The following GAB1 variants were observed in gnomAD, a reference collection of about 807,000 sequenced individuals.
GAB1 encodes GRB2 associated binding protein 1.
GAB1 carries 19 observed loss-of-function variants against 66.5 expected under a neutral mutation model. The observed-to-expected ratio is 0.29, with a 90% CI of 0.20 to 0.42. GAB1 has a LOEUF of 0.42. GAB1 is among the 10% of genes least tolerant of loss of function. The pLI, the probability that GAB1 is intolerant of heterozygous loss-of-function variation, is 1.00. For synonymous variants in GAB1, 294 were observed against 301.4 expected, an observed-to-expected ratio of 0.98 and a Z score of 0.25; for missense variants, 732 against 858.5, an observed-to-expected ratio of 0.85 and a Z score of 1.84.
chr4:143,418,397 A>G (rs74327846), intron 2 of GAB1, among the ~76,000 whole-genome samples: 3,214 of 152,258 alleles, frequency 0.021, 46 homozygotes, highest in South Asian at 0.042. Context: ...TCAGAGTTAA[A>G]ATTACAAATG....
Position 143,416,925 on chromosome 4 carries a change from T to G in GAB1, c.367+1154T>G, listed in dbSNP as rs115627166. 6.3e-3 allele frequency among the ~76,000 whole-genome samples: 953 copies of G among 152,228 alleles called. 16 individuals are homozygous for G. The highest frequency in any genetic ancestry group is 0.022 in the African/African-American group (909 of 41,516). On this transcript the variant is annotated intron_variant, in intron 2 of 9. Coordinates refer to ENST00000262994, the MANE Select transcript of GAB1 (RefSeq NM_002039.4). Reference sequence around the variant, plus strand: ...ATTGCAACCTCAAGCATAAATAGGTTATGAAGTTAGGAAATAGCCAAGGTA... The same window carrying G: ...ATTGCAACCTCAAGCATAAATAGGTGATGAAGTTAGGAAATAGCCAAGGTA...
chr4:143,414,011 C>T (rs1045267124), intron 1 of GAB1, among the ~76,000 whole-genome samples: 1 of 151,450 alleles, frequency 6.6e-6, no homozygotes, highest in Admixed American at 6.6e-5. Context: ...TTAGTAGAGA[C>T]GGGGTTTCAC....
intron 6 of GAB1, among the ~76,000 whole-genome samples, chr4:143,449,076 C>G (rs372593090): frequency 0.013 from 1,933 of 149,832 alleles, 44 homozygotes; most frequent in South Asian, 0.1. Context: ...GCAGGTTGTT[C>G]AGTTTCCATG....
At chr4:143,351,414 C>T (rs952442139) in intron 1 of GAB1, among the ~76,000 whole-genome samples, 10 of 152,180 alleles carry the variant, frequency 6.6e-5, no homozygotes, top group African/African-American at 1.7e-4. Context: ...GTCAGCTTGC[C>T]TGCGGGTGCT....
intron 6 of GAB1, among the ~76,000 whole-genome samples, chr4:143,450,016 TA>T (rs1174636393): frequency 6.6e-6 from 1 of 152,146 alleles, no homozygotes; most frequent in African/African-American, 2.4e-5. Context: ...GTAATACCAG[TA>T]CATGAAACTA....
At chr4:143,338,191 T>G (rs2149638339) in intron 1 of GAB1, among the ~76,000 whole-genome samples, 1 of 152,376 alleles carries the variant, frequency 6.6e-6, no homozygotes, top group East Asian at 1.9e-4. Flanking sequence ...TGGGATCTTA[T>G]TCTTCCTCCC....
chr4:143,381,145 C>A (rs2149676097), intron 1 of GAB1, among the ~76,000 whole-genome samples: 1 of 152,298 alleles, frequency 6.6e-6, no homozygotes, highest in East Asian at 1.9e-4. Context: ...AGTTCAAATG[C>A]CAGTGCTACC....
intron 2 of GAB1, among the ~76,000 whole-genome samples, chr4:143,422,617 A>T (rs144802740): frequency 6.6e-6 from 1 of 152,260 alleles, no homozygotes; most frequent in East Asian, 1.9e-4. Flanking sequence ...TGGCACCCCA[A>T]CTTTTGTGAG....
At chr4:143,347,849 G>A (rs1194058332) in intron 1 of GAB1, among the ~76,000 whole-genome samples, 1 of 152,238 alleles carries the variant, frequency 6.6e-6, no homozygotes. Flanking sequence ...GCTGGAGTAA[G>A]ATCTGATTTC....
intron 1 of GAB1, among the ~76,000 whole-genome samples, chr4:143,372,352 T>C (rs549098488): frequency 3.3e-5 from 5 of 152,350 alleles, no homozygotes; most frequent in South Asian, 4.1e-4. Flanking sequence ...ATTCAACATC[T>C]ATTTATTGAA....
At chr4:143,345,088 C>T (rs969695396) in intron 1 of GAB1, among the ~76,000 whole-genome samples, 10 of 152,208 alleles carry the variant, frequency 6.6e-5, no homozygotes, top group African/African-American at 1.4e-4. Context: ...GCAAACTGCA[C>T]GTGAAGGATA....
intron 1 of GAB1, among the ~76,000 whole-genome samples, chr4:143,408,771 TG>T (rs1436993279): frequency 6.6e-6 from 1 of 152,242 alleles, no homozygotes; most frequent in Non-Finnish European, 1.5e-5. Context: ...ATTGAAATTT[TG>T]AATTCTACTA....
Position 143,461,124 on chromosome 4 carries a change from C to A in GAB1, c.1803+637C>A, listed in dbSNP as rs569273815. Among the ~76,000 whole-genome samples the A allele has an allele frequency of 1.2e-3, 175 of 152,152 alleles. 1 individual carries two copies. Among genetic ancestry groups the A allele is most frequent in the Non-Finnish European group, 2.2e-3 (151 of 68,036 alleles). On this transcript the variant is annotated intron_variant, in intron 8 of 9. Coordinates refer to ENST00000262994, the MANE Select transcript of GAB1 (RefSeq NM_002039.4). ...TAAATCAGGTAGTTGCCAGAAAATACTTCAAATGTTTAAGAATACAAACCA... is the reference window on the plus strand; with the variant it reads ...TAAATCAGGTAGTTGCCAGAAAATAATTCAAATGTTTAAGAATACAAACCA...
chr4:143,434,127 C>T, intron 3 of GAB1: 1 of 1,291,820 alleles, frequency 7.7e-7, no homozygotes, highest in South Asian at 1.2e-5. Context: ...GAGAGGAATA[C>T]CTTCTACTAG....
chr4:143,374,379 T>C (rs1045082581), intron 1 of GAB1, among the ~76,000 whole-genome samples: 3 of 152,208 alleles, frequency 2.0e-5, no homozygotes, highest in African/African-American at 7.2e-5. Context: ...AAGGAAAACC[T>C]GTTCAACAAT....
chr4:143,454,521 A>G (rs1008908545), intron 6 of GAB1, among the ~76,000 whole-genome samples: 11 of 152,170 alleles, frequency 7.2e-5, no homozygotes, highest in Non-Finnish European at 1.5e-5. Flanking sequence ...GCACTAGAGA[A>G]TTTCTTTGGA....
At position 143,358,638 on chromosome 4, in the gene GAB1, C is replaced by T. The variant is rs1046290202; in HGVS notation, c.72+21378C>T. Among the ~76,000 whole-genome samples, 5 of 152,238 alleles carry T rather than the reference C, an allele frequency of 3.3e-5. No homozygotes were observed. The East Asian group carries it at 9.6e-4, about 29-fold the overall frequency. On this transcript the variant is annotated intron_variant, in intron 1 of 9. Transcript: ENST00000262994. ...TGAAACTTCAGTTCTGCCACTGTGC[C>T]CACATTTAAGCTGACAGCATGTGTG...
At chr4:143,442,558 G>A (rs1400563077) in intron 6 of GAB1, among the ~76,000 whole-genome samples, 1 of 151,968 alleles carries the variant, frequency 6.6e-6, no homozygotes, top group Non-Finnish European at 1.5e-5. Flanking sequence ...GTATCCTCTA[G>A]GTCTGATATC....
At chr4:143,408,435 AGT>A (rs1209811031) in intron 1 of GAB1, among the ~76,000 whole-genome samples, 1 of 152,204 alleles carries the variant, frequency 6.6e-6, no homozygotes, top group African/African-American at 2.4e-5. Flanking sequence ...CTCTAAACAT[AGT>A]GTGTGTTTGT....
Sources: allele counts gnomAD v4.1 joint callset (sites outside exome capture counted in the v4.1 genomes callset), GRCh38; gene constraint gnomAD v4.1.1; transcripts MANE v1.5; gene names NCBI Gene and HGNC (gene_info 2026-07-23, HGNC 2026-07-21).